Variants in TCAIM observed in about 807,000 individuals in gnomAD.
TCAIM encodes T-cell activation inhibitor, mitochondrial.
A neutral mutation model predicts 58.6 loss-of-function variants in TCAIM; 36 were observed. The observed-to-expected ratio is 0.61, with a 90% CI of 0.47 to 0.81. The LOEUF (loss-of-function observed/expected upper bound fraction) is 0.81. Ranked by LOEUF, TCAIM falls within the 30% of genes least tolerant of loss-of-function variation. The pLI is 0.00. For synonymous variants in TCAIM, 172 were observed against 193.6 expected (o/e 0.89, Z 0.93); for missense variants, 466 against 579.6 (o/e 0.80, Z 2.01).
chr3:44,344,760 A>G (rs921531066), intron 1 of TCAIM, among the ~76,000 whole-genome samples: 61 of 152,010 alleles, frequency 4.0e-4, no homozygotes, highest in Non-Finnish European at 7.8e-4. Flanking sequence ...AAAAGAGAGC[A>G]GAGGGAGTTA....
At chr3:44,372,009 A>AGAAGGAAGGAAG (rs568035350) in intron 5 of TCAIM, among the ~76,000 whole-genome samples, 111 of 115,564 alleles carry the variant, frequency 9.6e-4, no homozygotes, top group African/African-American at 1.8e-3. Flanking sequence ...AGAGAAAGAG[A>AGAAGGAAGGAAG]GAAGGAAGGA....
At chr3:44,368,346 A>C (rs1575254108) in intron 5 of TCAIM, among the ~76,000 whole-genome samples, 1 of 152,346 alleles carries the variant, frequency 6.6e-6, no homozygotes, top group East Asian at 1.9e-4. Flanking sequence ...GTATCTAAAA[A>C]GTCCAGTGGC....
chr3:44,371,811 C>T (rs1255910822), intron 5 of TCAIM, among the ~76,000 whole-genome samples: 1 of 152,080 alleles, frequency 6.6e-6, no homozygotes, highest in Non-Finnish European at 1.5e-5. Context: ...GTTCCAGGAG[C>T]TTATATCATA....
intron 10 of TCAIM, among the ~76,000 whole-genome samples, chr3:44,406,953 CAG>C (rs1421050823): frequency 1.3e-5 from 2 of 152,154 alleles, no homozygotes; most frequent in Non-Finnish European, 2.9e-5. Context: ...AGGGAACAGA[CAG>C]GGGGCTGGTG....
rs764175238 is a variant in TCAIM at position 44,367,709 on chromosome 3, G to A, written c.572+1G>A. ...TCTCGAGAGTGGAAACAACTCTCAC[G>A]TATGTAAAAGTTTTTATCTAACTAA... is the stretch of plus-strand genomic sequence containing the variant. On this transcript the variant is annotated splice_donor_variant, in intron 5 of 10. Transcript: ENST00000342649. LOFTEE classifies it high-confidence loss of function. 5.0e-6 allele frequency: 8 copies of A among 1,598,928 alleles called. No individual in the cohort carries two copies. The highest frequency in any genetic ancestry group is 1.7e-5 in the Admixed American group (1 of 58,398).
intron 1 of TCAIM, among the ~76,000 whole-genome samples, chr3:44,348,121 C>G (rs1017574777): frequency 6.6e-6 from 1 of 152,136 alleles, no homozygotes; most frequent in African/African-American, 2.4e-5. Flanking sequence ...ATACCCACAA[C>G]AGTTATGGAG....
chr3:44,400,235 T>TC (rs1330862538), intron 8 of TCAIM, 120 bp from the exon 9 acceptor site: 1 of 769,538 alleles, frequency 1.3e-6, no homozygotes, highest in Non-Finnish European at 2.0e-6. Context: ...ACTTGAACTT[T>TC]CCTTCAATGA....
chr3:44,386,993 C>T (rs9637419), intron 5 of TCAIM, among the ~76,000 whole-genome samples: 74,781 of 152,150 alleles, frequency 0.49, 19,551 homozygotes, highest in East Asian at 0.81. Context: ...CACTGATGAC[C>T]GTTCAGCCAA....
chr3:44,372,033 GGAAGGAA>G (rs1701481810), intron 5 of TCAIM, among the ~76,000 whole-genome samples: 1 of 142,946 alleles, frequency 7.0e-6, no homozygotes, highest in South Asian at 2.3e-4. Flanking sequence ...AAGGAAGGAA[GGAAGGAA>G]GGAAGGAAGG....
intron 5 of TCAIM, among the ~76,000 whole-genome samples, chr3:44,377,899 T>C (rs923179130): frequency 6.6e-6 from 1 of 152,152 alleles, no homozygotes; most frequent in African/African-American, 2.4e-5. Context: ...GATTTCATGA[T>C]GAAGATGCCA....
intron 5 of TCAIM, among the ~76,000 whole-genome samples, chr3:44,385,030 C>T (rs1486469077): frequency 1.3e-5 from 2 of 152,172 alleles, no homozygotes; most frequent in East Asian, 3.9e-4. Flanking sequence ...CTGCTATCAC[C>T]TCTGCAATGT....
intron 1 of TCAIM, among the ~76,000 whole-genome samples, chr3:44,352,150 T>C (rs796224048): frequency 6.6e-6 from 1 of 150,960 alleles, no homozygotes; most frequent in Non-Finnish European, 1.5e-5. Flanking sequence ...GAATAGGACT[T>C]TAGCCATGTG....
intron 5 of TCAIM, among the ~76,000 whole-genome samples, chr3:44,392,393 A>T (rs1701852375): frequency 6.6e-6 from 1 of 152,060 alleles, no homozygotes; most frequent in South Asian, 2.1e-4. Context: ...AACTCTCATC[A>T]TAGGGGTTTG....
chr3:44,361,316 A>G (rs765761035), intron 3 of TCAIM, 49 bp from the exon 4 acceptor site: 9 of 1,474,694 alleles, frequency 6.1e-6, no homozygotes, highest in South Asian at 5.3e-5. Context: ...CATTTCTGAT[A>G]TTTCCTTGTT....
intron 5 of TCAIM, chr3:44,391,075 CA>C: frequency 6.6e-6 from 1 of 152,406 alleles, no homozygotes; most frequent in Middle Eastern, 3.4e-3. Context: ...ACCCTTATGT[CA>C]TGATTATAGC....
At position 44,401,320 on chromosome 3, in the gene TCAIM, G is replaced by C. The variant is rs1702019287; in HGVS notation, c.1236G>C (p.Met412Ile). Residue 412 changes from methionine to isoleucine, a missense_variant, in exon 10 of 11, where the codon ATG becomes ATC. Coordinates refer to ENST00000342649, the MANE Select transcript of TCAIM (RefSeq NM_173826.4). ...AAGCTCAGCAGGCAAGAGAGAACAT[G>C]AAAAGAAAGGAAGAGTAAGTACTGC... is the stretch of plus-strand genomic sequence containing the variant. ...LTKAQQAREN[M>I]KRKEELKVIE... is the part of the protein sequence containing the mutation. The C allele has an allele frequency of 5.0e-6, 8 of 1,613,790 alleles. No homozygotes were observed. In the Admixed American group the frequency reaches 1.3e-4, roughly 27 times the overall value.
chr3:44,378,760 G>A (rs549552823), intron 5 of TCAIM, among the ~76,000 whole-genome samples: 95 of 149,156 alleles, frequency 6.4e-4, no homozygotes, highest in African/African-American at 1.6e-3. Context: ...GCAGTGAGCC[G>A]AGATCACTCC....
chr3:44,367,129 A>G (rs906252511), intron 4 of TCAIM, among the ~76,000 whole-genome samples: 2 of 152,312 alleles, frequency 1.3e-5, no homozygotes, highest in African/African-American at 4.8e-5. Flanking sequence ...GACCAGATTT[A>G]TCGACAGAAT....
At chr3:44,376,111 C>G (rs527546286) in intron 5 of TCAIM, among the ~76,000 whole-genome samples, 1 of 152,136 alleles carries the variant, frequency 6.6e-6, no homozygotes, top group Non-Finnish European at 1.5e-5. Flanking sequence ...ATGTAAAATA[C>G]CTACAATAGG....
Sources: allele counts gnomAD v4.1 joint callset (sites outside exome capture counted in the v4.1 genomes callset), GRCh38; gene constraint gnomAD v4.1.1; transcripts MANE v1.5; gene names NCBI Gene and HGNC (gene_info 2026-07-23, HGNC 2026-07-21).